APPL2: variants seen among roughly 807,000 people sequenced by gnomAD.
APPL2 encodes the protein DCC-interacting protein 13-beta.
A neutral mutation model predicts 92.7 loss-of-function variants in APPL2; 84 were observed. The ratio of observed to expected loss-of-function variants is 0.91; its 90% confidence interval spans 0.76 to 1.09. The LOEUF (loss-of-function observed/expected upper bound fraction) is 1.09, where lower values mean the gene tolerates loss of function less well. Among genes scored for constraint, APPL2 ranks in the 50% least tolerant of loss-of-function variants. The pLI is 0.00. For missense variants in APPL2, 736 were observed against 824.5 expected, an observed-to-expected ratio of 0.89 and a Z score of 1.31; for synonymous variants, 291 against 291.0, an observed-to-expected ratio of 1.00 and a Z score of 0.00.
chr12:105,220,294 A>T (rs964500644), intron 2 of APPL2, among the ~76,000 whole-genome samples: 7 of 152,238 alleles, frequency 4.6e-5, no homozygotes, highest in Admixed American at 2.6e-4. Flanking sequence ...TGTGGGCCAT[A>T]TATGGTCTTT....
At chr12:105,199,664 GC>G in intron 9 of APPL2, 133 bp from the exon 10 acceptor site, 1 of 894,774 alleles carries the variant, frequency 1.1e-6, no homozygotes, top group Non-Finnish European at 1.7e-6. Context: ...CTCCTACAGG[GC>G]CACAACCCTC....
chr12:105,190,960 AAACTCCTTTGAAGGGCAAAGAAT>A (rs1195254898), intron 14 of APPL2, among the ~76,000 whole-genome samples: 3 of 152,340 alleles, frequency 2.0e-5, no homozygotes, highest in African/African-American at 7.2e-5. Context: ...GCCAGACTAT[AAACTCCTTTGAAGGGCAAAGAAT>A]ATCAATGTAT....
intron 1 of APPL2, chr12:105,233,442 A>G: frequency 1.0e-6 from 1 of 976,636 alleles, no homozygotes; most frequent in Non-Finnish European, 1.2e-6. Flanking sequence ...AAAGGAGTCC[A>G]TGAATAGATG....
intron 2 of APPL2, among the ~76,000 whole-genome samples, chr12:105,228,787 A>C (rs1357366951): frequency 6.6e-6 from 1 of 152,176 alleles, no homozygotes. Context: ...TTTATGAAAA[A>C]GACAAAGAGT....
intron 17 of APPL2, among the ~76,000 whole-genome samples, chr12:105,186,713 T>TATATC (rs1886750766): frequency 9.0e-5 from 12 of 133,176 alleles, no homozygotes; most frequent in Middle Eastern, 3.8e-3. Context: ...TCATATATCA[T>TATATC]ATCATATATA....
In APPL2 at chr12:105,173,922, TAAG is replaced by T. The variant is rs1399948059; in HGVS notation, c.*389_*391del. 1 of 153,744 alleles carries T rather than the reference TAAG, an allele frequency of 6.5e-6. No homozygotes were observed. Among genetic ancestry groups the T allele is most frequent in the East Asian group, 1.9e-4 (1 of 5,246 alleles). The allele number at this position is 153,744 out of a possible 1,614,324, so 9.5% of individuals were successfully genotyped here. A position where few individuals can be genotyped will look rare whatever the true frequency, so the allele number is the denominator to read the frequency against. The stretch of plus-strand genomic sequence containing the variant: ...AAAATACAAAAATAGATTATATTAA[TAAG>T]AAATATTTAGTGTTCATCAAATTGT... On this transcript the variant is annotated 3_prime_UTR_variant, in exon 21 of 21. Coordinates refer to ENST00000258530, the MANE Select transcript of APPL2 (RefSeq NM_018171.5).
rs1566056314 is a variant in APPL2, at chr12:105,186,660, T to TATATGATATATATATCG, written c.1634+1612_1634+1613insCGATATATATATCATAT. Among the ~76,000 whole-genome samples the TATATGATATATATATCG allele has an allele frequency of 2.3e-3, 210 of 92,626 alleles. 8 individuals carry two copies. The East Asian group carries it at 0.033, about 14-fold the overall frequency. 60.8% of individuals were successfully genotyped at this position (92,626 alleles called of 152,430 possible). ...TCATATATATGATATCGATATCATA[T>TATATGATATATATATCG]ATATCATATATATGATATATCATAT... On this transcript the variant is annotated intron_variant, in intron 17 of 20. Transcript: ENST00000258530.
At chr12:105,225,490 T>C (rs1221279320) in intron 2 of APPL2, among the ~76,000 whole-genome samples, 1 of 152,220 alleles carries the variant, frequency 6.6e-6, no homozygotes, top group Non-Finnish European at 1.5e-5. Flanking sequence ...AAATATTAAA[T>C]GTGTTGAATG....
intron 9 of APPL2, among the ~76,000 whole-genome samples, chr12:105,199,837 G>A (rs1461271821): frequency 6.8e-6 from 1 of 146,894 alleles, no homozygotes; most frequent in Non-Finnish European, 1.5e-5. Context: ...TTTTTTTTTT[G>A]AGATGGAATC....
chr12:105,235,096 A>G (rs1452792138), intron 1 of APPL2, among the ~76,000 whole-genome samples: 1 of 152,226 alleles, frequency 6.6e-6, no homozygotes, highest in Non-Finnish European at 1.5e-5. Flanking sequence ...CTAAGTTTTC[A>G]AGAGTTGAGA....
In APPL2 at chr12:105,220,106, G is replaced by A. The variant is rs549255301; in HGVS notation, c.154-2381C>T. ...TAAGCCACCTGTGCAAGGATACACG[G>A]CTGATGAGTGGCAGGGCTGGGATGT... On this transcript the variant is annotated intron_variant, in intron 2 of 20. Coordinates refer to ENST00000258530, the MANE Select transcript of APPL2 (RefSeq NM_018171.5). Among the ~76,000 whole-genome samples the A allele has an allele frequency of 3.2e-4, 49 of 152,314 alleles. 1 individual carries two copies. The South Asian group carries it at 9.7e-3, about 30-fold the overall frequency.
intron 1 of APPL2, among the ~76,000 whole-genome samples, chr12:105,234,412 TC>T (rs2136106203): frequency 6.6e-6 from 1 of 152,342 alleles, no homozygotes; most frequent in Non-Finnish European, 1.5e-5. Context: ...AACCCAGGTC[TC>T]CTGACTTGCT....
intron 14 of APPL2, among the ~76,000 whole-genome samples, chr12:105,190,428 G>A (rs879507572): frequency 1.3e-5 from 2 of 152,158 alleles, no homozygotes; most frequent in Non-Finnish European, 2.9e-5. Context: ...TGTGAGGCAG[G>A]TTTTGGAGGG....
chr12:105,204,304 T>C lies in APPL2; in HGVS notation c.622-519A>G, dbSNP rs549336794. 2.0e-5 allele frequency among the ~76,000 whole-genome samples: 3 copies of C among 152,272 alleles called. No individual in the cohort carries two copies. The East Asian group carries it at 5.8e-4, about 29-fold the overall frequency. On this transcript the variant is annotated intron_variant, in intron 8 of 20. Coordinates refer to ENST00000258530, the MANE Select transcript of APPL2 (RefSeq NM_018171.5). ...AAACGTTCCGTGTGAGCAAGGGTAT[T>C]CTCTCACACATTAACCCGGCTCGTC...
intron 2 of APPL2, among the ~76,000 whole-genome samples, chr12:105,223,486 G>C (rs191773266): frequency 2.9e-4 from 44 of 151,876 alleles, no homozygotes; most frequent in African/African-American, 9.9e-4. Context: ...GAGACAGCCT[G>C]TCAGAGGAGC....
intron 9 of APPL2, among the ~76,000 whole-genome samples, chr12:105,200,111 G>A (rs1176193892): frequency 6.6e-6 from 1 of 152,068 alleles, no homozygotes; most frequent in African/African-American, 2.4e-5. Context: ...TGGGATTACA[G>A]GCGTGAGCCA....
At chr12:105,188,533 C>G (rs1886931001) in intron 16 of APPL2, 86 bp from the exon 17 acceptor site, 8 of 1,462,236 alleles carry the variant, frequency 5.5e-6, no homozygotes, top group Non-Finnish European at 7.4e-6. Flanking sequence ...GCTAGTTTTG[C>G]CTGCTTTCTG....
At chr12:105,191,950 C>T (rs1031505454) in intron 14 of APPL2, among the ~76,000 whole-genome samples, 18 of 152,132 alleles carry the variant, frequency 1.2e-4, no homozygotes, top group Admixed American at 9.8e-4. Context: ...CACTGCTGTT[C>T]AGTGCTATGA....
chr12:105,195,722 A>G, intron 11 of APPL2, 95 bp from the exon 12 acceptor site: 1 of 1,392,094 alleles, frequency 7.2e-7, no homozygotes, highest in East Asian at 2.3e-5. Flanking sequence ...GTGTGGGAGG[A>G]AAAGTGCCAT....
Sources: gnomAD v4.1 joint callset for allele counts (sites outside exome capture counted in the v4.1 genomes callset) on GRCh38, gnomAD v4.1.1 for gene constraint, MANE v1.5 for transcripts, NCBI Gene and HGNC (gene_info 2026-07-23, HGNC 2026-07-21) for gene names.